The following TTK variants were observed in gnomAD, a reference collection of about 807,000 sequenced individuals.
The protein encoded by TTK is TTK protein kinase.
Under a neutral mutation model 117.3 loss-of-function variants are expected in TTK, and 59 were observed. The observed-to-expected ratio is 0.50, with a 90% CI of 0.41 to 0.62. TTK has a LOEUF of 0.62. Among genes scored for constraint, TTK ranks in the 20% least tolerant of loss-of-function variants. The pLI is 0.00. For missense variants in TTK, 921 were observed against 989.4 expected, an observed-to-expected ratio of 0.93 and a Z score of 0.93; for synonymous variants, 302 against 325.0, an observed-to-expected ratio of 0.93 and a Z score of 0.76.
At chr6:80,031,985 A>C (rs751926828) in intron 14 of TTK, among the ~76,000 whole-genome samples, 3 of 152,244 alleles carry the variant, frequency 2.0e-5, no homozygotes, top group Non-Finnish European at 4.4e-5. Flanking sequence ...AACAGAATTC[A>C]GTAACAAATG....
chr6:80,025,048 AG>A (rs1767569307), intron 11 of TTK, among the ~76,000 whole-genome samples: 1 of 152,196 alleles, frequency 6.6e-6, no homozygotes. Flanking sequence ...CCAGTCCTAC[AG>A]CTGGCCTTCA....
Position 80,035,130 on chromosome 6 carries a change from G to A in TTK, c.1760G>A (p.Arg587Gln), listed in dbSNP as rs750297262. 3.2e-5 allele frequency: 50 copies of A among 1,551,906 alleles called. No individual in the cohort carries two copies. Among genetic ancestry groups the A allele is most frequent in the Non-Finnish European group, 4.1e-5 (47 of 1,155,980 alleles). Reference protein sequence around the residue: ...KLQQHSDKIIRLYDYEITDQY... With the variant: ...KLQQHSDKIIQLYDYEITDQY... ...CAACAACACAGTGATAAGATCATCCGACTTTATGATTAGTAAGAATTCTTT... is the reference window on the plus strand; with the variant it reads ...CAACAACACAGTGATAAGATCATCCAACTTTATGATTAGTAAGAATTCTTT... Residue 587 changes from arginine (R) to glutamine (Q), a missense_variant, in exon 15 of 22, where the codon CGA (arginine) becomes CAA (glutamine). By Grantham distance (43) the Arg-to-Gln change is conservative. Coordinates refer to ENST00000369798, the MANE Select transcript of TTK (RefSeq NM_003318.5).
intron 11 of TTK, among the ~76,000 whole-genome samples, chr6:80,026,177 T>C (rs1767598920): frequency 6.6e-6 from 1 of 152,162 alleles, no homozygotes; most frequent in Non-Finnish European, 1.5e-5. Context: ...CAGAATGCAC[T>C]AGGCTTAAGA....
At chr6:80,014,670 A>G (rs1767257871) in intron 10 of TTK, 84 bp downstream of exon 10, 12 of 1,334,930 alleles carry the variant, frequency 9.0e-6, no homozygotes. Flanking sequence ...GCCACCTAAG[A>G]ATTATGATGT....
In TTK at chr6:80,007,965, C is replaced by T; in HGVS notation, c.296C>T (p.Pro99Leu). The T allele has an allele frequency of 1.2e-6, 2 of 1,613,398 alleles. No homozygotes were observed. Among genetic ancestry groups the T allele is most frequent in the Admixed American group, 1.7e-5 (1 of 59,986 alleles). The change falls in exon 3 of 22, where the codon CCC (proline) becomes CTC (leucine). Residue 99 changes from proline to leucine, a missense_variant. Transcript: ENST00000369798. ...TACAGTCAAGCAATTGAAGCGCTTCCCCCAGATAAATATGGCCAAAATGAG... is the reference window on the plus strand; with the variant it reads ...TACAGTCAAGCAATTGAAGCGCTTCTCCCAGATAAATATGGCCAAAATGAG... ...GRYSQAIEAL[P>L]PDKYGQNESF...
At chr6:80,029,137 G>C (rs773979296) in intron 13 of TTK, among the ~76,000 whole-genome samples, 2 of 152,132 alleles carry the variant, frequency 1.3e-5, no homozygotes, top group Non-Finnish European at 2.9e-5. Context: ...AAAAAAATTA[G>C]CTGACAGAAT....
At chr6:80,015,191 G>GGGA (rs954400764) in intron 10 of TTK, among the ~76,000 whole-genome samples, 2 of 151,648 alleles carry the variant, frequency 1.3e-5, no homozygotes, top group African/African-American at 4.8e-5. Context: ...GATTTAAATG[G>GGGA]GAAATAATAG....
rs201291359 is a variant in TTK, at chr6:80,011,476, T to A, written c.656T>A (p.Leu219His). 12 of 1,607,710 alleles carry A rather than the reference T, an allele frequency of 7.5e-6. No individual in the cohort carries two copies. Among genetic ancestry groups the A allele is most frequent in the Admixed American group, 1.7e-5 (1 of 58,454 alleles). ...LTAQESFSGS[L>H]GHLQNRNNSC... Reference sequence around the variant, plus strand: ...GCCCAAGAATCATTTTCCGGTTCACTTGGGCATTTACAGAATAGGAACAAC... The same window carrying A: ...GCCCAAGAATCATTTTCCGGTTCACATGGGCATTTACAGAATAGGAACAAC... Residue 219 changes from leucine to histidine, a missense_variant, in exon 6 of 22, where the codon CTT (leucine) becomes CAT (histidine). By Grantham distance (99) the Leu-to-His change is moderately conservative. Transcript: ENST00000369798.
chr6:80,030,741 A>T (rs897292813), intron 13 of TTK, among the ~76,000 whole-genome samples: 1 of 152,190 alleles, frequency 6.6e-6, no homozygotes, highest in Non-Finnish European at 1.5e-5. Flanking sequence ...CGCCTCCAAC[A>T]TTGGGAATTA....
chr6:80,029,604 G>A (rs940584603), intron 13 of TTK, among the ~76,000 whole-genome samples: 1 of 152,220 alleles, frequency 6.6e-6, no homozygotes, highest in African/African-American at 2.4e-5. Flanking sequence ...AGTGTCAGAA[G>A]AGAACTGAAA....
At chr6:80,035,752 T>A (rs970417065) in intron 16 of TTK, among the ~76,000 whole-genome samples, 17 of 152,146 alleles carry the variant, frequency 1.1e-4, no homozygotes, top group African/African-American at 4.1e-4. Context: ...ATGAGATGTT[T>A]ACTTTATTCA....
In TTK at chr6:80,029,950, G is replaced by GAA. The variant is rs779841915; in HGVS notation, c.1522-1516_1522-1515dup. On this transcript the variant is annotated intron_variant, in intron 13 of 21. Transcript: ENST00000369798. ...TTCACAGTTTTAAATATGAAAGGAA[G>GAA]AAGACAGAGAAGGCACAAAAGGAGG... 1.1e-4 allele frequency among the ~76,000 whole-genome samples: 16 copies of GAA among 152,322 alleles called. No individual in the cohort carries two copies. In the East Asian group the frequency reaches 3.1e-3, roughly 29 times the overall value.
chr6:80,011,887 C>T lies in TTK; in HGVS notation c.803C>T (p.Ser268Leu), dbSNP rs1767167955. Residue 268 changes from serine to leucine, a missense_variant and splice_region_variant, in exon 8 of 22, where the codon TCA (serine) becomes TTA (leucine). Ser to Leu is a moderately radical substitution (Grantham distance 145). Coordinates refer to ENST00000369798, the MANE Select transcript of TTK (RefSeq NM_003318.5). ...TTTAATCTTTCAAAATATTTTTAGT[C>T]ATGCCCATTTGGAAGAGTCCCAGTT... ...SLRQTNKTKQ[S>L]CPFGRVPVNL... is the part of the protein sequence containing the mutation. 6.2e-7 allele frequency: 1 copy of T among 1,612,218 alleles called. No homozygotes were observed. The highest frequency in any genetic ancestry group is 2.2e-5 in the East Asian group (1 of 44,748).
chr6:80,031,835 C>T (rs375537899), intron 14 of TTK, among the ~76,000 whole-genome samples: 3 of 152,006 alleles, frequency 2.0e-5, no homozygotes, highest in African/African-American at 7.3e-5. Flanking sequence ...CATGGGGTAG[C>T]GAATGACCAC....
intron 14 of TTK, among the ~76,000 whole-genome samples, chr6:80,033,389 C>G (rs1767808983): frequency 6.6e-6 from 1 of 152,100 alleles, no homozygotes; most frequent in Non-Finnish European, 1.5e-5. Flanking sequence ...CTCCATTCCC[C>G]ACCGGTTTGT....
intron 12 of TTK, 130 bp from the exon 13 acceptor site, chr6:80,027,755 A>C: frequency 1.7e-6 from 1 of 599,024 alleles, no homozygotes; most frequent in Non-Finnish European, 2.6e-6. Context: ...CAGCTATATC[A>C]TGAAAACTAA....
At chr6:80,025,576 A>C (rs1209638164) in intron 11 of TTK, among the ~76,000 whole-genome samples, 1 of 152,366 alleles carries the variant, frequency 6.6e-6, no homozygotes, top group African/African-American at 2.4e-5. Flanking sequence ...GATGTGCTAC[A>C]GCAGGGGTTA....
chr6:80,013,622 C>A (rs1346740752), intron 9 of TTK: 2 of 254,214 alleles, frequency 7.9e-6, no homozygotes, highest in Non-Finnish European at 1.5e-5. Context: ...TTATTATGCA[C>A]GTGTTTAAGC....
At chr6:80,006,008 A>C (rs1208836413) in intron 2 of TTK, 26 bp downstream of exon 2, 2 of 1,594,252 alleles carry the variant, frequency 1.3e-6, no homozygotes, top group Non-Finnish European at 8.5e-7. Flanking sequence ...CTTTTAAGTT[A>C]GTAACTGTTT....
Sources: allele counts gnomAD v4.1 joint callset (sites outside exome capture counted in the v4.1 genomes callset), GRCh38; gene constraint gnomAD v4.1.1; transcripts MANE v1.5; gene names NCBI Gene and HGNC (gene_info 2026-07-23, HGNC 2026-07-21).